Variants in PTP4A1 observed in about 807,000 individuals in gnomAD.
PTP4A1 encodes protein tyrosine phosphatase 4A1.
PTP4A1 carries 9 observed loss-of-function variants against 20.5 expected under a neutral mutation model. That is an observed-to-expected ratio of 0.44 (90% confidence interval 0.26 to 0.77). The LOEUF (loss-of-function observed/expected upper bound fraction) is 0.77. Among genes scored for constraint, PTP4A1 ranks in the 30% least tolerant of loss-of-function variants. PTP4A1 has a pLI of 0.19. For synonymous variants in PTP4A1, 78 were observed against 67.4 expected, an observed-to-expected ratio of 1.16 and a Z score of -0.77; for missense variants, 137 against 218.8, an observed-to-expected ratio of 0.63 and a Z score of 2.36.
At chr6:63,564,874 A>G (rs1033602498) in intron 3 of PTP4A1, among the ~76,000 whole-genome samples, 2 of 152,244 alleles carry the variant, frequency 1.3e-5, no homozygotes, top group Non-Finnish European at 2.9e-5. Context: ...AGATTCCTCC[A>G]GGTACCAGTA....
chr6:63,556,980 C>T (rs1048421623), intron 3 of PTP4A1, among the ~76,000 whole-genome samples: 4 of 152,166 alleles, frequency 2.6e-5, no homozygotes, highest in Non-Finnish European at 5.9e-5. Context: ...CAAACACTAG[C>T]GCAGTCATCC....
intron 1 of PTP4A1, among the ~76,000 whole-genome samples, chr6:63,523,291 T>TATTTATAGAC (rs1775016782): frequency 6.6e-6 from 1 of 152,096 alleles, no homozygotes; most frequent in African/African-American, 2.4e-5. Flanking sequence ...ATATGATGTC[T>TATTTATAGAC]ATAAATGAAG....
chr6:63,562,619 C>T (rs1777013018), intron 3 of PTP4A1, among the ~76,000 whole-genome samples: 1 of 152,154 alleles, frequency 6.6e-6, no homozygotes, highest in South Asian at 2.1e-4. Context: ...ATAAATTCAA[C>T]AAAACAGTGC....
chr6:63,517,635 C>G (rs1581903043), upstream of PTP4A1, among the ~76,000 whole-genome samples: 1 of 152,228 alleles, frequency 6.6e-6, no homozygotes, highest in Middle Eastern at 3.4e-3. Flanking sequence ...CACACACACA[C>G]ATGCACACAC....
rs1455711255 is a variant in PTP4A1 at position 63,583,154 on chromosome 6, A to T, written c.*2980A>T. ...TTTCTATTGGAGTTTCAGGAAATAT[A>T]ATTTGAGAATACTTTAAAGGGAAGT... On this transcript the variant is annotated 3_prime_UTR_variant, in exon 6 of 6. Transcript: ENST00000626021. The T allele has an allele frequency of 3.9e-5, 6 of 152,172 alleles. No homozygotes were observed. Among genetic ancestry groups the T allele is most frequent in the Non-Finnish European group, 5.9e-5 (4 of 68,038 alleles). 9.4% of individuals were successfully genotyped at this position (152,172 alleles called of 1,614,324 possible). A position where few individuals can be genotyped will look rare whatever the true frequency, so the allele number is the denominator to read the frequency against.
At chr6:63,554,490 A>G (rs1323680998) in intron 3 of PTP4A1, among the ~76,000 whole-genome samples, 4 of 152,116 alleles carry the variant, frequency 2.6e-5, no homozygotes, top group African/African-American at 9.7e-5. Context: ...ATAGCACACA[A>G]TAAGGAACAC....
At chr6:63,535,918 G>A (rs531054025) in intron 2 of PTP4A1, among the ~76,000 whole-genome samples, 2 of 152,252 alleles carry the variant, frequency 1.3e-5, no homozygotes, top group South Asian at 2.1e-4. Context: ...GTTTACAGGC[G>A]TGCGCCACCA....
rs1331216807 is a variant in PTP4A1 at position 63,583,007 on chromosome 6, T to C, written c.*2833T>C. 2 of 152,182 alleles carry C rather than the reference T, an allele frequency of 1.3e-5. No individual in the cohort carries two copies. The highest frequency in any genetic ancestry group is 2.4e-5 in the African/African-American group (1 of 41,446). The allele number at this position is 152,182 out of a possible 1,614,324, so 9.4% of individuals were successfully genotyped here. A position where few individuals can be genotyped will look rare whatever the true frequency, so the allele number is the denominator to read the frequency against. On this transcript the variant is annotated 3_prime_UTR_variant, in exon 6 of 6. Coordinates refer to ENST00000626021, the MANE Select transcript of PTP4A1 (RefSeq NM_003463.5). ...ATTTATTTTTTTAATGTCATATTCA[T>C]CTGGTAAATATCTACTGTTTGCCAG...
chr6:63,542,061 G>A (rs1050883729), intron 2 of PTP4A1, among the ~76,000 whole-genome samples: 2 of 135,400 alleles, frequency 1.5e-5, no homozygotes, highest in Non-Finnish European at 3.2e-5. Flanking sequence ...GTGTGTGTGT[G>A]TATACATACA....
intron 3 of PTP4A1, among the ~76,000 whole-genome samples, chr6:63,553,766 G>A (rs1438210650): frequency 6.6e-6 from 1 of 152,166 alleles, no homozygotes; most frequent in East Asian, 1.9e-4. Flanking sequence ...TGTAGGAGAA[G>A]AGAAAGGAAG....
At position 63,576,443 on chromosome 6, in the gene PTP4A1, G is replaced by A. The variant is rs1777874399; in HGVS notation, c.-438G>A. ...TCTTTTTCTTTTAAACAGCAATTCT[G>A]TGGTGTTCTTGGTCACACATTTATG... On this transcript the variant is annotated 5_prime_UTR_variant, in exon 2 of 6. In the 5' UTR this introduces an upstream ATG that the reference lacks. Transcript: ENST00000626021. 2.5e-6 allele frequency: 1 copy of A among 399,522 alleles called. No homozygotes were observed. Among genetic ancestry groups the A allele is most frequent in the South Asian group, 1.3e-4 (1 of 7,908 alleles). The allele number at this position is 399,522 out of a possible 1,614,324, so 24.7% of individuals were successfully genotyped here.
intron 3 of PTP4A1, among the ~76,000 whole-genome samples, chr6:63,552,435 C>T (rs1256300276): frequency 6.6e-6 from 1 of 152,060 alleles, no homozygotes; most frequent in African/African-American, 2.4e-5. Flanking sequence ...TAGATATTAG[C>T]CCTTTGTCAG....
At chr6:63,562,309 T>A (rs1383587616) in intron 3 of PTP4A1, among the ~76,000 whole-genome samples, 1 of 151,928 alleles carries the variant, frequency 6.6e-6, no homozygotes, top group Non-Finnish European at 1.5e-5. Flanking sequence ...AAGTGATTCT[T>A]CTGCCTCAGC....
At chr6:63,529,214 T>TGTGTGTATATATATATATGTA (rs1562112515) in intron 2 of PTP4A1, among the ~76,000 whole-genome samples, 5 of 149,240 alleles carry the variant, frequency 3.4e-5, no homozygotes, top group African/African-American at 1.2e-4. Flanking sequence ...TGTATATATA[T>TGTGTGTATATATATATATGTA]TTGCTAATAA....
chr6:63,526,623 C>T (rs982387460), intron 1 of PTP4A1, among the ~76,000 whole-genome samples: 2 of 151,492 alleles, frequency 1.3e-5, no homozygotes, highest in Non-Finnish European at 2.9e-5. Context: ...TCCTGGCCAC[C>T]ATGGTGAAAC....
intron 2 of PTP4A1, among the ~76,000 whole-genome samples, chr6:63,545,901 G>A (rs1478797782): frequency 6.6e-6 from 1 of 151,918 alleles, no homozygotes; most frequent in Non-Finnish European, 1.5e-5. Context: ...AAATAAACCT[G>A]GTTCTGTTAT....
At chr6:63,540,243 A>C (rs867990979) in intron 2 of PTP4A1, among the ~76,000 whole-genome samples, 1 of 151,708 alleles carries the variant, frequency 6.6e-6, no homozygotes, top group Non-Finnish European at 1.5e-5. Flanking sequence ...AGCCACTAGA[A>C]AAGGCAGGAG....
intron 3 of PTP4A1, among the ~76,000 whole-genome samples, chr6:63,552,278 G>A (rs1402623211): frequency 1.3e-5 from 2 of 152,152 alleles, no homozygotes; most frequent in African/African-American, 2.4e-5. Flanking sequence ...TTTCTCTGAT[G>A]GCCAGTGATG....
intron 2 of PTP4A1, among the ~76,000 whole-genome samples, chr6:63,545,868 A>G (rs991020626): frequency 1.6e-4 from 25 of 152,312 alleles, no homozygotes; most frequent in African/African-American, 5.5e-4. Context: ...AAGAAAGAAA[A>G]AAAAGAAAAG....
Sources: gnomAD v4.1 joint callset for allele counts (sites outside exome capture counted in the v4.1 genomes callset) on GRCh38, gnomAD v4.1.1 for gene constraint, MANE v1.5 for transcripts, NCBI Gene and HGNC (gene_info 2026-07-23, HGNC 2026-07-21) for gene names.